Variants in PSIP1 observed in about 807,000 individuals in gnomAD.
The protein encoded by PSIP1 is PC4 and SFRS1-interacting protein.
A neutral mutation model predicts 74.7 loss-of-function variants in PSIP1; 19 were observed. The ratio of observed to expected loss-of-function variants is 0.25; its 90% CI spans 0.18 to 0.37. PSIP1 has a LOEUF of 0.37. Ranked by LOEUF, PSIP1 falls within the 10% of genes least tolerant of loss-of-function variation. The pLI is 1.00. For missense variants in PSIP1, 601 were observed against 614.3 expected (o/e 0.98, Z 0.23); for synonymous variants, 222 against 195.3 (o/e 1.14, Z -1.14).
chr9:15,489,951 A>G lies in PSIP1; in HGVS notation c.288+35T>C, dbSNP rs754472036. Reference sequence around the variant, plus strand: ...GATAGTGATTATTCCCCAGGATTAAATAAGTAATATCAAATTTTATGTAAT... The same window carrying G: ...GATAGTGATTATTCCCCAGGATTAAGTAAGTAATATCAAATTTTATGTAAT... On this transcript the variant is annotated intron_variant, in intron 4 of 15. Transcript: ENST00000380733. The G allele has an allele frequency of 4.8e-6, 7 of 1,454,196 alleles. No homozygotes were observed. In the East Asian group the frequency reaches 1.5e-4, roughly 30 times the overall value. The allele number at this position is 1,454,196 out of a possible 1,614,324, so 90.1% of individuals were successfully genotyped here. A position where few individuals can be genotyped will look rare whatever the true frequency, so the allele number is the denominator to read the frequency against.
Position 15,510,220 on chromosome 9 carries a change from C to T in PSIP1, c.-32G>A, listed in dbSNP as rs2037793975. 1 of 1,588,618 alleles carries T rather than the reference C, an allele frequency of 6.3e-7. No individual in the cohort carries two copies. Reference sequence around the variant, plus strand: ...GGGGCGAGACCGGGGGTCCGAAGCCCGGGAGGCGGCGAGGAGATGCGGCGG... The same window carrying T: ...GGGGCGAGACCGGGGGTCCGAAGCCTGGGAGGCGGCGAGGAGATGCGGCGG... On this transcript the variant is annotated 5_prime_UTR_variant, in exon 2 of 16. Transcript: ENST00000380733.
chr9:15,502,241 A>G (rs181927660), intron 3 of PSIP1, among the ~76,000 whole-genome samples: 45 of 152,318 alleles, frequency 3.0e-4, no homozygotes, highest in African/African-American at 1.0e-3. Flanking sequence ...TAAATGCTAT[A>G]TAGTTGTTAC....
At chr9:15,503,673 A>C (rs1266857742) in intron 3 of PSIP1, among the ~76,000 whole-genome samples, 1 of 151,858 alleles carries the variant, frequency 6.6e-6, no homozygotes, top group Non-Finnish European at 1.5e-5. Context: ...AAAAAAAAAA[A>C]CTTCAAATAA....
Position 15,466,888 on chromosome 9 carries a change from TGTTA to T in PSIP1, c.1421-33_1421-30del, listed in dbSNP as rs754857975. The T allele has an allele frequency of 7.7e-6, 12 of 1,549,124 alleles. No individual in the cohort carries two copies. The African/African-American group carries it at 9.6e-5, about 12-fold the overall frequency. ...GCGAAGGAATCCAATGGAAAAACTT[TGTTA>T]AAGCTTACAAAACAATAATTGAAGG... is the stretch of plus-strand genomic sequence containing the variant. On this transcript the variant is annotated intron_variant, in intron 14 of 15. Coordinates refer to ENST00000380733, the MANE Select transcript of PSIP1 (RefSeq NM_033222.5).
At chr9:15,504,421 G>T (rs377529136) in intron 3 of PSIP1, among the ~76,000 whole-genome samples, 1 of 152,046 alleles carries the variant, frequency 6.6e-6, no homozygotes, top group Admixed American at 6.6e-5. Flanking sequence ...AAATAGTAAC[G>T]TAAGAATGGA....
intron 10 of PSIP1, chr9:15,471,756 A>G (rs1324715879): frequency 1.0e-6 from 1 of 961,238 alleles, no homozygotes; most frequent in African/African-American, 1.8e-5. Flanking sequence ...TTACGGATAT[A>G]TTATATAAAG....
At chr9:15,471,827 G>A (rs1224250065) in intron 10 of PSIP1, 1 of 958,700 alleles carries the variant, frequency 1.0e-6, no homozygotes, top group Middle Eastern at 5.4e-4. Flanking sequence ...TTGTCTTATT[G>A]ACCTAGAGCA....
chr9:15,510,603 C>T (rs1396298840), intron 1 of PSIP1, among the ~76,000 whole-genome samples: 1 of 152,084 alleles, frequency 6.6e-6, no homozygotes, highest in African/African-American at 2.4e-5. Flanking sequence ...GCTTAAGCCC[C>T]AAAAGGGAGG....
intron 9 of PSIP1, 82 bp downstream of exon 9, chr9:15,473,927 C>CAAAAAAAAAAAAA: frequency 9.7e-6 from 5 of 514,472 alleles, no homozygotes; most frequent in Admixed American, 5.3e-5. Flanking sequence ...AAAAAAAAAA[C>CAAAAAAAAAAAAA]AAAAAAAAAA....
chr9:15,471,459 T>C (rs964500789), intron 10 of PSIP1: 8 of 1,405,902 alleles, frequency 5.7e-6, no homozygotes, highest in Non-Finnish European at 7.4e-6. Context: ...GGGCTACATA[T>C]ACTAGTAACA....
chr9:15,500,161 C>T lies in PSIP1; in HGVS notation c.149+6400G>A, dbSNP rs1486964575. On this transcript the variant is annotated intron_variant, in intron 3 of 15. Transcript: ENST00000380733. Reference sequence around the variant, plus strand: ...TATGCACGCACTATTTCTCATGAACCTGCTGGTAAAGAGAGATCAATAGGG... The same window carrying T: ...TATGCACGCACTATTTCTCATGAACTTGCTGGTAAAGAGAGATCAATAGGG... Among the ~76,000 whole-genome samples, 2 of 151,992 alleles carry T rather than the reference C, an allele frequency of 1.3e-5. 1 individual carries two copies. Among genetic ancestry groups the T allele is most frequent in the Admixed American group, 1.3e-4 (2 of 15,268 alleles).
At chr9:15,504,519 C>T (rs991981487) in intron 3 of PSIP1, among the ~76,000 whole-genome samples, 2 of 152,146 alleles carry the variant, frequency 1.3e-5, no homozygotes, top group East Asian at 3.9e-4. Context: ...GGGCAGATCA[C>T]GAGGTCAGGA....
At chr9:15,489,647 T>TA (rs1321973140) in intron 4 of PSIP1, among the ~76,000 whole-genome samples, 1 of 150,602 alleles carries the variant, frequency 6.6e-6, no homozygotes, top group South Asian at 2.1e-4. Flanking sequence ...ATTAATTAAT[T>TA]AAAGAGAATA....
chr9:15,475,280 T>C (rs1476400503), intron 8 of PSIP1, among the ~76,000 whole-genome samples: 1 of 152,202 alleles, frequency 6.6e-6, no homozygotes, highest in Non-Finnish European at 1.5e-5. Flanking sequence ...TTTTAATAAA[T>C]GAAAGTAAAA....
intron 8 of PSIP1, among the ~76,000 whole-genome samples, chr9:15,475,100 G>A (rs1193845485): frequency 6.6e-6 from 1 of 152,160 alleles, no homozygotes; most frequent in Admixed American, 6.5e-5. Context: ...TTCCAGACAA[G>A]TGATTCCCTG....
Position 15,478,569 on chromosome 9 carries a change from A to G in PSIP1, c.554-17T>C. On this transcript the variant is annotated splice_polypyrimidine_tract_variant and intron_variant, in intron 7 of 15. Transcript: ENST00000380733. ...CTTCTGTAGCTAATATACACATGGAAAAAAAATCAGTAACTACTAGTTTCT... is the reference window on the plus strand; with the variant it reads ...CTTCTGTAGCTAATATACACATGGAGAAAAAATCAGTAACTACTAGTTTCT... The G allele has an allele frequency of 6.5e-7, 1 of 1,528,364 alleles. No individual in the cohort carries two copies. Among genetic ancestry groups the G allele is most frequent in the South Asian group, 1.1e-5 (1 of 88,824 alleles). The allele number at this position is 1,528,364 out of a possible 1,614,324, so 94.7% of individuals were successfully genotyped here. A position where few individuals can be genotyped will look rare whatever the true frequency, so the allele number is the denominator to read the frequency against.
chr9:15,464,610 ATATT>A lies in PSIP1; in HGVS notation c.*906_*909del, dbSNP rs1265786358. 4 of 197,508 alleles carry A rather than the reference ATATT, an allele frequency of 2.0e-5. No individual in the cohort carries two copies. The highest frequency in any genetic ancestry group is 6.0e-5 in the Admixed American group (1 of 16,540). The allele number at this position is 197,508 out of a possible 1,614,324, so 12.2% of individuals were successfully genotyped here. A position where few individuals can be genotyped will look rare whatever the true frequency, so the allele number is the denominator to read the frequency against. ...GAGTTTCCTTATATAACATTTATTC[ATATT>A]TATTGTATAAGCATCATGATTTTTT... On this transcript the variant is annotated 3_prime_UTR_variant, in exon 16 of 16. Transcript: ENST00000380733.
chr9:15,510,254 T>C lies in PSIP1; in HGVS notation c.-66A>G, dbSNP rs1202764798. The C allele has an allele frequency of 6.6e-7, 1 of 1,506,398 alleles. No homozygotes were observed. Among genetic ancestry groups the C allele is most frequent in the Non-Finnish European group, 9.0e-7 (1 of 1,105,002 alleles). The allele number at this position is 1,506,398 out of a possible 1,614,324, so 93.3% of individuals were successfully genotyped here. On this transcript the variant is annotated 5_prime_UTR_variant, in exon 2 of 16. Coordinates refer to ENST00000380733, the MANE Select transcript of PSIP1 (RefSeq NM_033222.5). The stretch of plus-strand genomic sequence containing the variant: ...GCGAGGAGATGCGGCGGCGCGGGGA[T>C]GCGGGCGGCGGACGCGGGCCCAGCT...
At chr9:15,482,921 T>TA (rs1198905227) in intron 6 of PSIP1, among the ~76,000 whole-genome samples, 1 of 152,168 alleles carries the variant, frequency 6.6e-6, no homozygotes, top group Non-Finnish European at 1.5e-5. Flanking sequence ...GCAAGTATCT[T>TA]ACTGGTACCC....
Sources: gnomAD v4.1 joint callset for allele counts (sites outside exome capture counted in the v4.1 genomes callset) on GRCh38, gnomAD v4.1.1 for gene constraint, MANE v1.5 for transcripts, NCBI Gene and HGNC (gene_info 2026-07-23, HGNC 2026-07-21) for gene names.